Variants in POU4F1 observed in about 807,000 individuals in gnomAD.
The protein encoded by POU4F1 is POU class 4 homeobox 1.
POU4F1 carries 5 observed loss-of-function variants against 19.8 expected under a neutral mutation model. The observed-to-expected ratio is 0.25, with a 90% CI of 0.13 to 0.53. The LOEUF is 0.53. Among genes scored for constraint, POU4F1 ranks in the 20% least tolerant of loss-of-function variants. The probability of loss-of-function intolerance (pLI) is 0.96; values close to 1 mark genes in which losing one functional copy is unlikely to be tolerated. For synonymous variants in POU4F1, 266 were observed against 247.7 expected (o/e 1.07, Z -0.69); for missense variants, 408 against 511.6 (o/e 0.80, Z 1.95).
rs544075465 is a variant in POU4F1, at chr13:78,598,471, C to CTTT, written c.*2941_*2943dup. 2.1e-5 allele frequency: 3 copies of CTTT among 146,206 alleles called. No individual in the cohort carries two copies. The highest frequency in any genetic ancestry group is 2.0e-4 in the East Asian group (1 of 5,034). 9.1% of individuals were successfully genotyped at this position (146,206 alleles called of 1,614,324 possible). ...TCTATGTTTAAAAATACCTCTAGTG[C>CTTT]TTTTTTTTTTTAACATTAACAACTG... On this transcript the variant is annotated 3_prime_UTR_variant, in exon 2 of 2. Transcript: ENST00000377208.
intron 1 of POU4F1, 42 bp downstream of exon 1, chr13:78,603,162 G>A (rs1184872197): frequency 7.6e-7 from 1 of 1,311,208 alleles, no homozygotes; most frequent in Non-Finnish European, 9.8e-7. Flanking sequence ...AGACGGGGAG[G>A]GGCGGGCGCG....
rs1333384306 is a variant in POU4F1 at position 78,598,740 on chromosome 13, C to T, written c.*2675G>A. 6.6e-6 allele frequency: 1 copy of T among 152,086 alleles called. No homozygotes were observed. Among genetic ancestry groups the T allele is most frequent in the East Asian group, 1.9e-4 (1 of 5,194 alleles). The allele number at this position is 152,086 out of a possible 1,614,324, so 9.4% of individuals were successfully genotyped here. On this transcript the variant is annotated 3_prime_UTR_variant, in exon 2 of 2. Coordinates refer to ENST00000377208, the MANE Select transcript of POU4F1 (RefSeq NM_006237.4). ...ACTAAATGTTTTAAAATGTATTACC[C>T]TCCAAAGAAAAGCCATTCAGTTACT...
At position 78,603,433 on chromosome 13, in the gene POU4F1, G is replaced by A; in HGVS notation, c.-107C>T. 7.4e-7 allele frequency: 1 copy of A among 1,356,494 alleles called. No individual in the cohort carries two copies. Among genetic ancestry groups the A allele is most frequent in the East Asian group, 3.1e-5 (1 of 32,684 alleles). The allele number at this position is 1,356,494 out of a possible 1,614,324, so 84.0% of individuals were successfully genotyped here. On this transcript the variant is annotated 5_prime_UTR_variant, in exon 1 of 2. Transcript: ENST00000377208. ...CGGAGGCTGCAGCCGCGGCGGTCGC[G>A]GCGGCTGGCGGCGGCCCCGCCGCGG...
Position 78,601,402 on chromosome 13 carries a change from C to A in POU4F1, c.*13G>T. 1 of 1,613,534 alleles carries A rather than the reference C, an allele frequency of 6.2e-7. No homozygotes were observed. The highest frequency in any genetic ancestry group is 1.1e-5 in the South Asian group (1 of 91,078). ...GCTCCCCATTCTGTCCCGCCCGACA[C>A]CTCCCAGCCCCCTCAGTAAGTGGCA... On this transcript the variant is annotated 3_prime_UTR_variant, in exon 2 of 2. Coordinates refer to ENST00000377208, the MANE Select transcript of POU4F1 (RefSeq NM_006237.4).
In POU4F1 at chr13:78,601,380, C is replaced by T; in HGVS notation, c.*35G>A. On this transcript the variant is annotated 3_prime_UTR_variant, in exon 2 of 2. Transcript: ENST00000377208. ...GCCCCCCAAAAATGCCTCCTCAGCT[C>T]CCCATTCTGTCCCGCCCGACACCTC... 1.2e-6 allele frequency: 2 copies of T among 1,612,602 alleles called. No homozygotes were observed. The highest frequency in any genetic ancestry group is 1.7e-6 in the Non-Finnish European group (2 of 1,179,754).
Position 78,601,946 on chromosome 13 carries a change from T to TGCCGCTGCCACCTGCCCGGCC in POU4F1, c.708_728dup (p.Ala237_Ala243dup). The TGCCGCTGCCACCTGCCCGGCC allele has an allele frequency of 1.6e-6, 2 of 1,247,218 alleles. No homozygotes were observed. Among genetic ancestry groups the TGCCGCTGCCACCTGCCCGGCC allele is most frequent in the Non-Finnish European group, 2.0e-6 (2 of 998,710 alleles). The allele number at this position is 1,247,218 out of a possible 1,614,324, so 77.3% of individuals were successfully genotyped here. A position where few individuals can be genotyped will look rare whatever the true frequency, so the allele number is the denominator to read the frequency against. On this transcript the variant is annotated inframe_insertion, in exon 2 of 2. Transcript: ENST00000377208. ...CGCCCACCACGGCCGCCGCCGCCGA[T>TGCCGCTGCCACCTGCCCGGCC]GCCGCTGCCACCTGCCCGGCCGCCG...
Position 78,601,938 on chromosome 13 carries a change from GC to G in POU4F1, c.736del (p.Ala246ArgfsTer39). 8.0e-7 allele frequency: 1 copy of G among 1,255,098 alleles called. No homozygotes were observed. Among genetic ancestry groups the G allele is most frequent in the Non-Finnish European group, 1.0e-6 (1 of 1,002,834 alleles). The allele number at this position is 1,255,098 out of a possible 1,614,324, so 77.7% of individuals were successfully genotyped here. ...GCCCGCTGCGCCCACCACGGCCGCC[GC>G]CGCCGATGCCGCTGCCACCTGCCCG... is the stretch of plus-strand genomic sequence containing the variant. The part of the protein sequence containing the change: ...AAGQVAAASA[A>X]AAVVGAAGLA... On this transcript the variant is annotated frameshift_variant, in exon 2 of 2. Coordinates refer to ENST00000377208, the MANE Select transcript of POU4F1 (RefSeq NM_006237.4). LOFTEE classifies it high-confidence loss of function.
chr13:78,599,924 A>G lies in POU4F1; in HGVS notation c.*1491T>C, dbSNP rs1874629356. 1 of 152,642 alleles carries G rather than the reference A, an allele frequency of 6.6e-6. No homozygotes were observed. Among genetic ancestry groups the G allele is most frequent in the Non-Finnish European group, 1.5e-5 (1 of 68,044 alleles). 9.5% of individuals were successfully genotyped at this position (152,642 alleles called of 1,614,324 possible). On this transcript the variant is annotated 3_prime_UTR_variant, in exon 2 of 2. Transcript: ENST00000377208. ...TCTATTTGGGAGACTGGTAGTGCAA[A>G]TTAAAGTTCTTGCTACCCAACATTT...
rs141893585 is a variant in POU4F1 at position 78,601,802 on chromosome 13, C to T, written c.873G>A (p.Ser291=). ...CCGGGATCTTGAGGTTGGCCAGCGC[C>T]GAGCCCACGTCGGCCTGCGTCACGC... ...KLGVTQADVG[S]ALANLKIPGV... Residue 291 remains serine, a synonymous_variant, in exon 2 of 2, where the codon TCG becomes TCA. Coordinates refer to ENST00000377208, the MANE Select transcript of POU4F1 (RefSeq NM_006237.4). 5 of 1,612,528 alleles carry T rather than the reference C, an allele frequency of 3.1e-6. No individual in the cohort carries two copies. Among genetic ancestry groups the T allele is most frequent in the Non-Finnish European group, 4.2e-6 (5 of 1,179,754 alleles).
chr13:78,601,646 T>A lies in POU4F1; in HGVS notation c.1029A>T (p.Lys343Asn). Residue 343 changes from lysine to asparagine, a missense_variant, in exon 2 of 2, where the codon AAA becomes AAT. Lys to Asn is a moderately conservative substitution (Grantham distance 94, BLOSUM62 0). Around this residue, in one of 4 missense-constraint regions of POU4F1, gnomAD observed 39 missense variants for 36.8 expected, o/e 1.06. Transcript: ENST00000377208. ...CGTTGAAGAGCTCAGGCTTGTTCAT[T>A]TTCTCGCGCTGGGCGCCCTCGGCCT... ...LEEAEGAQRE[K>N]MNKPELFNGG... The A allele has an allele frequency of 6.2e-7, 1 of 1,613,842 alleles. No individual in the cohort carries two copies. Among genetic ancestry groups the A allele is most frequent in the Non-Finnish European group, 8.5e-7 (1 of 1,179,968 alleles).
Position 78,601,559 on chromosome 13 carries a change from G to C in POU4F1, c.1116C>G (p.Ala372=), listed in dbSNP as rs753405036. The change falls in exon 2 of 2, where the codon GCC becomes GCG. Residue 372 remains alanine, a synonymous_variant. Transcript: ENST00000377208. The part of the protein sequence containing the change: ...IAAPEKRSLE[A]YFAVQPRPSS... The stretch of plus-strand genomic sequence containing the variant: ...AGGGCCGGGGCTGCACGGCGAAGTA[G>C]GCCTCGAGGGAGCGCTTCTCGGGCG... The C allele has an allele frequency of 1.9e-6, 3 of 1,613,940 alleles. No individual in the cohort carries two copies. The highest frequency in any genetic ancestry group is 2.5e-6 in the Non-Finnish European group (3 of 1,180,034).
chr13:78,602,273 C>G lies in POU4F1; in HGVS notation c.402G>C (p.Ala134=). Residue 134 remains alanine (A), a synonymous_variant, in exon 2 of 2, where the codon GCG becomes GCC. Coordinates refer to ENST00000377208, the MANE Select transcript of POU4F1 (RefSeq NM_006237.4). ...SLALMAGAGG[A]GAAAGGGGAH... ...CGCCGCCGCCGCCGGCCGCCGCGCC[C>G]GCGCCGCCCGCGCCGGCCATGAGCG... 2.5e-6 allele frequency: 3 copies of G among 1,180,022 alleles called. No homozygotes were observed. The highest frequency in any genetic ancestry group is 3.1e-6 in the Non-Finnish European group (3 of 954,642). 73.1% of individuals were successfully genotyped at this position (1,180,022 alleles called of 1,614,324 possible).
chr13:78,602,188 GGCC>G lies in POU4F1; in HGVS notation c.484_486del (p.Gly162del). The G allele has an allele frequency of 5.0e-6, 1 of 199,496 alleles. No individual in the cohort carries two copies. The highest frequency in any genetic ancestry group is 8.6e-6 in the Non-Finnish European group (1 of 116,042). The allele number at this position is 199,496 out of a possible 1,614,324, so 12.4% of individuals were successfully genotyped here. On this transcript the variant is annotated inframe_deletion, in exon 2 of 2. Coordinates refer to ENST00000377208, the MANE Select transcript of POU4F1 (RefSeq NM_006237.4). The stretch of plus-strand genomic sequence containing the variant: ...GGGCCGCCACCGCCGCCTCCCCCGG[GGCC>G]GCCGCCCGGGCCGCCGCCGCCGCCC...
At chr13:78,603,090 C>A in intron 1 of POU4F1, 114 bp downstream of exon 1, 1 of 855,050 alleles carries the variant, frequency 1.2e-6, no homozygotes, top group Non-Finnish European at 1.6e-6. Flanking sequence ...CTCTACACCC[C>A]CTGCCCGCAG....
chr13:78,603,439 T>C lies in POU4F1; in HGVS notation c.-113A>G, dbSNP rs1053672734. 3.3e-3 allele frequency: 4,400 copies of C among 1,353,558 alleles called. 30 individuals carry two copies. The highest frequency in any genetic ancestry group is 3.7e-3 in the Non-Finnish European group (3,842 of 1,050,824). 83.8% of individuals were successfully genotyped at this position (1,353,558 alleles called of 1,614,324 possible). A position where few individuals can be genotyped will look rare whatever the true frequency, so the allele number is the denominator to read the frequency against. ...CTGCAGCCGCGGCGGTCGCGGCGGC[T>C]GGCGGCGGCCCCGCCGCGGGCTGCT... On this transcript the variant is annotated 5_prime_UTR_variant, in exon 1 of 2. Coordinates refer to ENST00000377208, the MANE Select transcript of POU4F1 (RefSeq NM_006237.4).
chr13:78,599,617 C>A lies in POU4F1; in HGVS notation c.*1798G>T, dbSNP rs1270178240. 6.6e-6 allele frequency: 1 copy of A among 152,568 alleles called. No individual in the cohort carries two copies. The highest frequency in any genetic ancestry group is 1.5e-5 in the Non-Finnish European group (1 of 68,042). The allele number at this position is 152,568 out of a possible 1,614,324, so 9.5% of individuals were successfully genotyped here. A position where few individuals can be genotyped will look rare whatever the true frequency, so the allele number is the denominator to read the frequency against. ...ACATAATTAAATAAATAATGCCTAA[C>A]CAGAGTGAGACCTAATTGTGTTTCT... On this transcript the variant is annotated 3_prime_UTR_variant, in exon 2 of 2. Coordinates refer to ENST00000377208, the MANE Select transcript of POU4F1 (RefSeq NM_006237.4).
rs1337314001 is a variant in POU4F1, at chr13:78,602,018, C to T, written c.657G>A (p.Leu219=). The change falls in exon 2 of 2, where the codon CTG becomes CTA. Residue 219 remains leucine, a synonymous_variant. Transcript: ENST00000377208. ...NMPSGLPHPG[L]VAAAAHHGAA... is the part of the protein sequence containing the mutation. ...CGCCGTGGTGCGCCGCCGCCGCCAC[C>T]AGCCCGGGGTGCGGCAGCCCGGACG... 1 of 829,320 alleles carries T rather than the reference C, an allele frequency of 1.2e-6. No homozygotes were observed. The allele number at this position is 829,320 out of a possible 1,614,324, so 51.4% of individuals were successfully genotyped here.
chr13:78,601,539 C>CG lies in POU4F1; in HGVS notation c.1135dup (p.Arg379ProfsTer56). On this transcript the variant is annotated frameshift_variant, in exon 2 of 2. Coordinates refer to ENST00000377208, the MANE Select transcript of POU4F1 (RefSeq NM_006237.4). LOFTEE classifies it high-confidence loss of function. The stretch of plus-strand genomic sequence containing the variant: ...GGCGGCGATCTTCTCGGACGAGGGC[C>CG]GGGGCTGCACGGCGAAGTAGGCCTC... 1 of 1,613,948 alleles carries CG rather than the reference C, an allele frequency of 6.2e-7. No individual in the cohort carries two copies. The highest frequency in any genetic ancestry group is 2.2e-5 in the East Asian group (1 of 44,848).
In POU4F1 at chr13:78,601,739, G is replaced by A. The variant is rs1397610210; in HGVS notation, c.936C>T (p.Phe312=). 3.7e-6 allele frequency: 6 copies of A among 1,613,710 alleles called. No individual in the cohort carries two copies. In the South Asian group the frequency reaches 5.5e-5, roughly 15 times the overall value. The change falls in exon 2 of 2, where the codon TTC becomes TTT. Residue 312 remains phenylalanine (F), a synonymous_variant. Coordinates refer to ENST00000377208, the MANE Select transcript of POU4F1 (RefSeq NM_006237.4). ...GSLSQSTICR[F]ESLTLSHNNM... Reference sequence around the variant, plus strand: ...TGTTGTGCGAGAGCGTGAGCGACTCGAACCTGCAGATGGTGCTCTGGCTGA... The same window carrying A: ...TGTTGTGCGAGAGCGTGAGCGACTCAAACCTGCAGATGGTGCTCTGGCTGA...
Sources: allele counts gnomAD v4.1 joint callset, GRCh38; gene constraint gnomAD v4.1.1; regional missense constraint gnomAD v4.1.1; transcripts MANE v1.5; gene names NCBI Gene and HGNC (gene_info 2026-07-23, HGNC 2026-07-21).